The following SOD2 variants were observed in gnomAD, a reference collection of about 807,000 sequenced individuals.
SOD2 encodes superoxide dismutase [Mn], mitochondrial.
A neutral mutation model predicts 27.0 loss-of-function variants in SOD2; 11 were observed. The observed-to-expected ratio is 0.41, with a 90% CI of 0.26 to 0.67. SOD2 has a LOEUF of 0.67. SOD2 is among the 30% of genes least tolerant of loss of function. The probability of loss-of-function intolerance (pLI) is 0.34; values close to 1 mark genes in which losing one functional copy is unlikely to be tolerated. For missense variants in SOD2, 250 were observed against 274.5 expected (o/e 0.91, Z 0.63); for synonymous variants, 105 against 103.0 (o/e 1.02, Z -0.12).
chr6:159,694,458 C>T (rs765225788), upstream of SOD2, among the ~76,000 whole-genome samples: 12 of 152,162 alleles, frequency 7.9e-5, no homozygotes, highest in Non-Finnish European at 1.3e-4. Context: ...CGAAGAGGAA[C>T]CACCTGAACT....
At chr6:159,695,449 C>G (rs1333391850), upstream of SOD2, among the ~76,000 whole-genome samples, 1 of 152,162 alleles carries the variant, frequency 6.6e-6, no homozygotes, top group East Asian at 1.9e-4. Flanking sequence ...GTGAGCACAT[C>G]CAAGGTTGTG....
intron 1 of SOD2, among the ~76,000 whole-genome samples, chr6:159,733,660 G>T (rs1026568150): frequency 3.3e-5 from 5 of 151,450 alleles, no homozygotes; most frequent in African/African-American, 1.2e-4. Flanking sequence ...CATGCCTGTA[G>T]TCCCAGCACT....
chr6:159,761,981 G>A (rs780703893), exon 1 of SOD2: 2 of 1,295,458 alleles, frequency 1.5e-6, no homozygotes, highest in Middle Eastern at 2.4e-4. Context: ...TGGAGGGCGA[G>A]GGGCGGGGCT....
chr6:159,708,244 A>G (rs1267822869), intron 1 of SOD2, among the ~76,000 whole-genome samples: 1 of 152,256 alleles, frequency 6.6e-6, no homozygotes, highest in Non-Finnish European at 1.5e-5. Context: ...CTCCTATTCA[A>G]CATAGTGTTG....
intron 1 of SOD2, among the ~76,000 whole-genome samples, chr6:159,707,360 A>G (rs1222020344): frequency 6.6e-6 from 1 of 152,202 alleles, no homozygotes; most frequent in Non-Finnish European, 1.5e-5. Flanking sequence ...CACAATTGAT[A>G]GACCACTAGC....
intron 2 of SOD2, among the ~76,000 whole-genome samples, chr6:159,688,618 G>A (rs1190510219): frequency 2.0e-5 from 3 of 152,142 alleles, no homozygotes; most frequent in South Asian, 2.1e-4. Flanking sequence ...CAAGACAGAC[G>A]ACGATTCATT....
intron 2 of SOD2, chr6:159,692,327 C>T: frequency 2.0e-6 from 2 of 1,007,568 alleles, no homozygotes; most frequent in Non-Finnish European, 2.6e-6. Flanking sequence ...GCAAAAAAAA[C>T]GAGTGACACA....
upstream of SOD2, among the ~76,000 whole-genome samples, chr6:159,729,047 T>C (rs1270295189): frequency 6.6e-6 from 1 of 152,222 alleles, no homozygotes; most frequent in Non-Finnish European, 1.5e-5. Flanking sequence ...TGTGTATTGT[T>C]TGTCAGAAAT....
intron 1 of SOD2, among the ~76,000 whole-genome samples, chr6:159,735,098 T>C (rs1466965665): frequency 2.6e-5 from 4 of 152,286 alleles, no homozygotes; most frequent in Admixed American, 6.5e-5. Flanking sequence ...TTAAATACTG[T>C]AGGAATATTT....
At chr6:159,749,499 G>T (rs567213755), upstream of SOD2, 170 of 944,730 alleles carry the variant, frequency 1.8e-4, 4 homozygotes, top group South Asian at 7.4e-3. Flanking sequence ...AATTTGGGGC[G>T]GGGAGGGCCT....
chr6:159,759,813 C>T (rs1427443002), intron 1 of SOD2, among the ~76,000 whole-genome samples: 1 of 152,200 alleles, frequency 6.6e-6, no homozygotes, highest in East Asian at 1.9e-4. Context: ...CAGAAGCATG[C>T]AATTACCTTC....
upstream of SOD2, among the ~76,000 whole-genome samples, chr6:159,697,079 A>ACG (rs1554260120): frequency 4.7e-5 from 7 of 149,510 alleles, no homozygotes; most frequent in Admixed American, 3.3e-4. Flanking sequence ...ACACACACAC[A>ACG]CGCAGTCAGC....
At chr6:159,719,024 T>C (rs1175933961) in intron 1 of SOD2, among the ~76,000 whole-genome samples, 1 of 151,416 alleles carries the variant, frequency 6.6e-6, no homozygotes, top group Non-Finnish European at 1.5e-5. Flanking sequence ...GACTTACTGT[T>C]TTTTTTTTCC....
Position 159,752,399 on chromosome 6 carries a change from T to C in SOD2, c.-335-3723A>G, listed in dbSNP as rs1309452456. On this transcript the variant is annotated intron_variant, in intron 1 of 7. Coordinates refer to the SOD2 transcript ENST00000546087. ...TAATTACAAGAACAAGCAAATAATT[T>C]CTCCTTTTATTGCTGAGGCTAAAGA... Among the ~76,000 whole-genome samples, 8 of 152,170 alleles carry C rather than the reference T, an allele frequency of 5.3e-5. No homozygotes were observed. The East Asian group carries it at 1.2e-3, about 22-fold the overall frequency.
In SOD2 at chr6:159,672,349, C is replaced by T. The variant is rs1319043396; in HGVS notation, c.*10144G>A. The stretch of plus-strand genomic sequence containing the variant: ...GTTAAGGGCAGCCAGAGAGAAAGGT[C>T]GGGTTACCCACAAAGGGAAGCCCAT... On this transcript the variant is annotated 3_prime_UTR_variant, in exon 5 of 5. Transcript: ENST00000538183. 4 of 152,124 alleles carry T rather than the reference C, an allele frequency of 2.6e-5. No homozygotes were observed. Among genetic ancestry groups the T allele is most frequent in the Admixed American group, 6.5e-5 (1 of 15,274 alleles). 9.4% of individuals were successfully genotyped at this position (152,124 alleles called of 1,614,324 possible).
At chr6:159,746,838 C>T (rs80325933), upstream of SOD2, among the ~76,000 whole-genome samples, 3,546 of 152,278 alleles carry the variant, frequency 0.023, 76 homozygotes, top group Non-Finnish European at 0.034. Context: ...TTATTCTAGT[C>T]TGATTCACCT....
At chr6:159,748,091 TGAAA>T (rs1779684150), upstream of SOD2, 11 of 1,407,616 alleles carry the variant, frequency 7.8e-6, no homozygotes, top group East Asian at 2.6e-4. This position sits in a 1 kb window ranked among gnomAD's most constrained non-coding sequence, Gnocchi z 5.6. Flanking sequence ...AGGAGCTTAA[TGAAA>T]GAGTTGGTAA....
At chr6:159,682,810 A>G (rs760168671) in intron 4 of SOD2, among the ~76,000 whole-genome samples, 172 bp from the exon 5 acceptor site, 1 of 152,240 alleles carries the variant, frequency 6.6e-6, no homozygotes, top group Non-Finnish European at 1.5e-5. Flanking sequence ...ATATTCCTAT[A>G]AAATATTTTT....
intron 1 of SOD2, chr6:159,712,828 C>T: frequency 1.7e-6 from 1 of 579,422 alleles, no homozygotes; most frequent in South Asian, 1.5e-5. Flanking sequence ...ATTTGCCTAC[C>T]ATAAGCACCA....
Sources: allele counts gnomAD v4.1 joint callset (sites outside exome capture counted in the v4.1 genomes callset), GRCh38; gene constraint gnomAD v4.1.1; non-coding constraint Gnocchi (gnomAD v3.1); transcripts MANE v1.5; gene names NCBI Gene and HGNC (gene_info 2026-07-23, HGNC 2026-07-21).